ANKRD27: variants seen among roughly 807,000 people sequenced by gnomAD.
The protein encoded by ANKRD27 is ankyrin repeat domain 27.
Under a neutral mutation model 129.7 loss-of-function variants are expected in ANKRD27, and 112 were observed. The observed-to-expected ratio is 0.86, with a 90% CI of 0.74 to 1.01. ANKRD27 has a LOEUF of 1.01. ANKRD27 is among the 50% of genes least tolerant of loss of function. ANKRD27 has a pLI of 0.00. For synonymous variants in ANKRD27, 516 were observed against 511.2 expected, an observed-to-expected ratio of 1.01 and a Z score of -0.13; for missense variants, 1,258 against 1,300.5, an observed-to-expected ratio of 0.97 and a Z score of 0.50.
In ANKRD27 at chr19:32,674,000, A is replaced by AAT. The variant is rs1555750381; in HGVS notation, c.-31+1070_-31+1071insAT. Among the ~76,000 whole-genome samples, 12 of 147,428 alleles carry AAT rather than the reference A, an allele frequency of 8.1e-5. 1 individual carries two copies. Among genetic ancestry groups the AAT allele is most frequent in the Non-Finnish European group, 1.3e-4 (9 of 66,932 alleles). On this transcript the variant is annotated intron_variant, in intron 1 of 28. Transcript: ENST00000306065. ...ATCTCTACAAAAAAAAAAAAAAAAAATTAAAAATTAGCCGTGCATAGTGGC... is the reference window on the plus strand; with the variant it reads ...ATCTCTACAAAAAAAAAAAAAAAAAAATTTAAAAATTAGCCGTGCATAGTGGC...
chr19:32,634,697 C>T (rs1282252798), intron 12 of ANKRD27, among the ~76,000 whole-genome samples: 1 of 152,182 alleles, frequency 6.6e-6, no homozygotes, highest in Non-Finnish European at 1.5e-5. Flanking sequence ...AGGCGGATCA[C>T]TTGAGGTCAA....
Position 32,628,298 on chromosome 19 carries a change from G to T in ANKRD27, c.1338-133C>A, listed in dbSNP as rs75799415. 5.6e-3 allele frequency: 3,929 copies of T among 707,408 alleles called. 113 individuals carry two copies. The East Asian group carries it at 0.072, about 13-fold the overall frequency. The allele number at this position is 707,408 out of a possible 1,614,324, so 43.8% of individuals were successfully genotyped here. A position where few individuals can be genotyped will look rare whatever the true frequency, so the allele number is the denominator to read the frequency against. ...TGCCACCCAAGAGATGTGTGTCTCC[G>T]GCACTGTCCCAGTGCTCACCCAGCA... On this transcript the variant is annotated intron_variant, in intron 14 of 28. Coordinates refer to ENST00000306065, the MANE Select transcript of ANKRD27 (RefSeq NM_032139.3).
intron 20 of ANKRD27, 80 bp downstream of exon 20, chr19:32,619,180 G>A: frequency 6.5e-7 from 1 of 1,531,096 alleles, no homozygotes; most frequent in Non-Finnish European, 8.8e-7. Flanking sequence ...GCCCTTGTCA[G>A]GCCACGGCTC....
intron 18 of ANKRD27, among the ~76,000 whole-genome samples, chr19:32,621,635 C>A (rs1004734141): frequency 1.1e-4 from 16 of 151,922 alleles, no homozygotes; most frequent in African/African-American, 3.6e-4. Context: ...CTCAAAACAA[C>A]AAAAAAAATT....
intron 2 of ANKRD27, among the ~76,000 whole-genome samples, chr19:32,656,788 T>TC (rs1326044323): frequency 1.2e-5 from 1 of 84,014 alleles, no homozygotes. Context: ...AGACCTTATC[T>TC]CAAAAAAAAA....
intron 1 of ANKRD27, among the ~76,000 whole-genome samples, chr19:32,660,343 G>T (rs1180042364): frequency 6.6e-6 from 1 of 152,146 alleles, no homozygotes; most frequent in Non-Finnish European, 1.5e-5. Flanking sequence ...AGGAGTTCAA[G>T]ACCAGCCTGG....
chr19:32,646,402 A>G, intron 4 of ANKRD27, 57 bp downstream of exon 4: 1 of 1,545,240 alleles, frequency 6.5e-7, no homozygotes, highest in Non-Finnish European at 8.8e-7. Flanking sequence ...GTCAGGAACA[A>G]GTTCAACAAA....
chr19:32,639,513 T>C (rs781194047), intron 11 of ANKRD27, 25 bp from the exon 12 acceptor site: 26 of 1,606,806 alleles, frequency 1.6e-5, no homozygotes, highest in Non-Finnish European at 1.9e-5. Context: ...AAAAAAGTTA[T>C]GTTGTTGTCT....
intron 18 of ANKRD27, among the ~76,000 whole-genome samples, chr19:32,620,143 CA>C (rs1348607304): frequency 1.3e-5 from 2 of 152,104 alleles, no homozygotes; most frequent in African/African-American, 2.4e-5. Flanking sequence ...TGGCAGTATT[CA>C]GGGGGTACAG....
intron 12 of ANKRD27, among the ~76,000 whole-genome samples, chr19:32,635,081 G>A: frequency 6.6e-6 from 1 of 152,186 alleles, no homozygotes; most frequent in East Asian, 1.9e-4. Flanking sequence ...ACCTGGTGAA[G>A]GCCTCCACAG....
chr19:32,616,620 C>T (rs1385658831), intron 21 of ANKRD27, among the ~76,000 whole-genome samples: 2 of 151,862 alleles, frequency 1.3e-5, no homozygotes, highest in Non-Finnish European at 2.9e-5. Flanking sequence ...GGGAACCTGT[C>T]CGTCAGAATC....
At chr19:32,601,611 CAAAAA>C (rs386388881) in intron 26 of ANKRD27, among the ~76,000 whole-genome samples, 2 of 65,170 alleles carry the variant, frequency 3.1e-5, no homozygotes, top group African/African-American at 5.5e-5. Flanking sequence ...GACTCTGTCT[CAAAAA>C]AAAAAAAAAA....
At chr19:32,628,245 T>A in intron 14 of ANKRD27, 80 bp from the exon 15 acceptor site, 2 of 1,222,266 alleles carry the variant, frequency 1.6e-6, no homozygotes, top group Non-Finnish European at 2.4e-6. Context: ...GATAGGCAGG[T>A]ACCACAGACA....
rs554756275 is a variant in ANKRD27, at chr19:32,665,918, A to G, written c.-30-6873T>C. Among the ~76,000 whole-genome samples the G allele has an allele frequency of 1.0e-4, 15 of 150,724 alleles. No homozygotes were observed. In the South Asian group the frequency reaches 3.1e-3, roughly 32 times the overall value. ...CTCAGACTACAGACTACACGCCACA[A>G]CACCAGCTAACTTTTTGTGTGTATT... On this transcript the variant is annotated intron_variant, in intron 1 of 28. Coordinates refer to ENST00000306065, the MANE Select transcript of ANKRD27 (RefSeq NM_032139.3).
At position 32,639,468 on chromosome 19, in the gene ANKRD27, A is replaced by C; in HGVS notation, c.1004T>G (p.Ile335Ser). The C allele has an allele frequency of 6.2e-7, 1 of 1,613,312 alleles. No individual in the cohort carries two copies. The highest frequency in any genetic ancestry group is 1.1e-5 in the South Asian group (1 of 90,872). ...CAAGCTGCTAAACCTGAAGTTTTTGATGTAACTCAAATTTGCCATCCTAAT... is the reference window on the plus strand; with the variant it reads ...CAAGCTGCTAAACCTGAAGTTTTTGCTGTAACTCAAATTTGCCATCCTAAT... Reference protein sequence around the residue: ...IPNWMANLSYIKNFRFSSLAK... With the variant: ...IPNWMANLSYSKNFRFSSLAK... Residue 335 changes from isoleucine (I) to serine (S), a missense_variant, in exon 12 of 29, where the codon ATC becomes AGC. Transcript: ENST00000306065.
chr19:32,607,332 T>C (rs12460663), intron 23 of ANKRD27, among the ~76,000 whole-genome samples: 89,470 of 151,696 alleles, frequency 0.59, 27,432 homozygotes, highest in Non-Finnish European at 0.69. Context: ...ATGGGGACAG[T>C]GCTCGGTGGC....
At chr19:32,636,775 T>C (rs776624122) in intron 12 of ANKRD27, among the ~76,000 whole-genome samples, 15 of 150,714 alleles carry the variant, frequency 1.0e-4, no homozygotes, top group Non-Finnish European at 1.9e-4. Flanking sequence ...TGAGACAGAG[T>C]CTTGCTGTGT....
intron 13 of ANKRD27, 67 bp from the exon 14 acceptor site, chr19:32,628,916 TGA>T: frequency 6.3e-7 from 1 of 1,587,464 alleles, no homozygotes; most frequent in Non-Finnish European, 8.6e-7. Context: ...GTAAATTTTT[TGA>T]GAGTCCTTTT....
intron 1 of ANKRD27, 34 bp from the exon 2 acceptor site, chr19:32,659,079 AT>A (rs986397627): frequency 2.0e-5 from 23 of 1,125,800 alleles, no homozygotes; most frequent in Non-Finnish European, 3.0e-5. Flanking sequence ...GTGAATAGCC[AT>A]TTTCGAGTTT....
Sources: gnomAD v4.1 joint callset for allele counts (sites outside exome capture counted in the v4.1 genomes callset) on GRCh38, gnomAD v4.1.1 for gene constraint, MANE v1.5 for transcripts, NCBI Gene and HGNC (gene_info 2026-07-23, HGNC 2026-07-21) for gene names.